Variants in CCDC192 observed in about 807,000 individuals in gnomAD.
The protein encoded by CCDC192 is coiled-coil domain-containing protein 192.
chr5:127,786,599 G>A, intron 3 of CCDC192: 2 of 735,150 alleles, frequency 2.7e-6, no homozygotes, highest in Non-Finnish European at 5.1e-6. Flanking sequence ...TTCGTCCTTT[G>A]TCACATTCAC....
chr5:127,888,332 C>T (rs573440665), intron 6 of CCDC192, among the ~76,000 whole-genome samples: 50 of 152,078 alleles, frequency 3.3e-4, no homozygotes, highest in African/African-American at 1.2e-3. Context: ...AGGAGAATCA[C>T]TTGAACCTGG....
Position 127,781,967 on chromosome 5 carries a change from G to A in CCDC192, c.223-15136G>A, listed in dbSNP as rs115874355. Among the ~76,000 whole-genome samples, 489 of 152,254 alleles carry A rather than the reference G, an allele frequency of 3.2e-3. 4 individuals are homozygous for A. The highest frequency in any genetic ancestry group is 0.011 in the African/African-American group (469 of 41,530). On this transcript the variant is annotated intron_variant, in intron 3 of 6. Coordinates refer to ENST00000514853, the MANE Select transcript of CCDC192 (RefSeq NM_001317938.2). ...TTCACCATTTAGTATTATGTTGGCT[G>A]TGGGTTTGTCATCTTTTATTACATT...
At chr5:127,894,992 C>T (rs774585700) in intron 6 of CCDC192, among the ~76,000 whole-genome samples, 2 of 151,768 alleles carry the variant, frequency 1.3e-5, no homozygotes, top group Non-Finnish European at 2.9e-5. Context: ...TTTTTTTTTC[C>T]CTGCAACTTT....
At chr5:127,762,889 T>G (rs1463089588) in intron 3 of CCDC192, among the ~76,000 whole-genome samples, 1 of 152,246 alleles carries the variant, frequency 6.6e-6, no homozygotes, top group African/African-American at 2.4e-5. Flanking sequence ...TTTGTTCAAT[T>G]ATTCATTCAA....
At chr5:127,879,933 A>T (rs1561536823) in intron 6 of CCDC192, among the ~76,000 whole-genome samples, 1 of 151,238 alleles carries the variant, frequency 6.6e-6, no homozygotes, top group Non-Finnish European at 1.5e-5. Flanking sequence ...AAAAGTCAGG[A>T]AACAACAGGT....
intron 2 of CCDC192, among the ~76,000 whole-genome samples, chr5:127,717,436 T>C (rs1315932300): frequency 1.3e-5 from 2 of 151,384 alleles, no homozygotes; most frequent in Non-Finnish European, 1.5e-5. Flanking sequence ...AAAAAGCTTC[T>C]GAAGATTTTG....
chr5:127,931,976 CCT>C (rs2126311143), intron 6 of CCDC192, among the ~76,000 whole-genome samples: 1 of 151,742 alleles, frequency 6.6e-6, no homozygotes, highest in African/African-American at 2.4e-5. Context: ...ATGGCGAAAC[CCT>C]GTTTCTACTA....
At chr5:127,738,707 T>C (rs896737102) in intron 2 of CCDC192, among the ~76,000 whole-genome samples, 1 of 152,212 alleles carries the variant, frequency 6.6e-6, no homozygotes, top group African/African-American at 2.4e-5. Context: ...ATACCCTTTC[T>C]TTCAGTTGAT....
intron 6 of CCDC192, among the ~76,000 whole-genome samples, chr5:127,907,900 TCTGC>T (rs1265112261): frequency 1.3e-5 from 2 of 152,220 alleles, no homozygotes; most frequent in African/African-American, 4.8e-5. Flanking sequence ...CCCAGAGCAT[TCTGC>T]CTATCTAGAC....
intron 3 of CCDC192, among the ~76,000 whole-genome samples, chr5:127,765,818 A>T (rs999505826): frequency 1.1e-4 from 16 of 152,196 alleles, no homozygotes; most frequent in African/African-American, 2.7e-4. Flanking sequence ...TAGTAGGAGG[A>T]TATCAATGAA....
At chr5:127,896,600 ATTTGTTT>A (rs1752895180) in intron 6 of CCDC192, among the ~76,000 whole-genome samples, 1 of 151,814 alleles carries the variant, frequency 6.6e-6, no homozygotes, top group Non-Finnish European at 1.5e-5. Flanking sequence ...CACCTGGCTA[ATTTGTTT>A]TTTGTTTTTT....
chr5:127,797,231 C>G lies in CCDC192; in HGVS notation c.351C>G (p.Asp117Glu). The G allele has an allele frequency of 2.5e-6, 1 of 397,882 alleles. No individual in the cohort carries two copies. The allele number at this position is 397,882 out of a possible 1,614,324, so 24.6% of individuals were successfully genotyped here. ...GPYEKMVLVKDQCIQKLQAEV... is the reference protein window; with the variant it reads ...GPYEKMVLVKEQCIQKLQAEV... ...ATGAAAAAATGGTTCTTGTGAAAGA[C>G]CAGGTATGTTGTAGAACAAAGTCAT... Residue 117 changes from aspartate (D) to glutamate (E), a missense_variant, in exon 4 of 7, where the codon GAC becomes GAG. Coordinates refer to ENST00000514853, the MANE Select transcript of CCDC192 (RefSeq NM_001317938.2).
chr5:127,933,210 C>G (rs926818838), intron 6 of CCDC192, among the ~76,000 whole-genome samples: 1 of 152,124 alleles, frequency 6.6e-6, no homozygotes, highest in Non-Finnish European at 1.5e-5. Flanking sequence ...CCTTGAAGAT[C>G]AGTGTGAGAC....
At chr5:127,903,369 A>G (rs1318970767) in intron 6 of CCDC192, among the ~76,000 whole-genome samples, 1 of 151,690 alleles carries the variant, frequency 6.6e-6, no homozygotes, top group East Asian at 1.9e-4. Flanking sequence ...CAGCCTCCTG[A>G]GTAGCTGGGA....
chr5:127,869,556 T>G (rs1361274731), intron 5 of CCDC192, among the ~76,000 whole-genome samples: 1 of 152,230 alleles, frequency 6.6e-6, no homozygotes. Context: ...TCATCCCAAG[T>G]GTAAGGTTAT....
chr5:127,752,391 C>T (rs1754243642), intron 2 of CCDC192, among the ~76,000 whole-genome samples: 1 of 152,100 alleles, frequency 6.6e-6, no homozygotes, highest in Non-Finnish European at 1.5e-5. Context: ...GTCAGTGTGC[C>T]CCTGCTGGAG....
chr5:127,763,314 T>C (rs555858068), intron 3 of CCDC192, among the ~76,000 whole-genome samples: 1 of 152,336 alleles, frequency 6.6e-6, no homozygotes, highest in African/African-American at 2.4e-5. Context: ...CACACTGTGC[T>C]GCTTTGATTC....
intron 3 of CCDC192, among the ~76,000 whole-genome samples, chr5:127,767,274 C>T (rs985254297): frequency 3.9e-5 from 6 of 152,048 alleles, no homozygotes; most frequent in African/African-American, 7.2e-5. Flanking sequence ...TCTGGTGGGA[C>T]GAGAAAGGGC....
At chr5:127,766,740 T>G (rs369628789) in intron 3 of CCDC192, among the ~76,000 whole-genome samples, 1 of 152,080 alleles carries the variant, frequency 6.6e-6, no homozygotes, top group African/African-American at 2.4e-5. Context: ...CCACTTTGAG[T>G]GTGTGGTGTC....
Sources: gnomAD v4.1 joint callset for allele counts (sites outside exome capture counted in the v4.1 genomes callset) on GRCh38, gnomAD v4.1.1 for gene constraint, MANE v1.5 for transcripts, NCBI Gene and HGNC (gene_info 2026-07-23, HGNC 2026-07-21) for gene names.